NEDD4: variants seen among roughly 807,000 people sequenced by gnomAD.
The protein encoded by NEDD4 is NEDD4 E3 ubiquitin protein ligase.
In NEDD4, 99 loss-of-function variants were observed where a neutral mutation model predicts 144.9. The ratio of observed to expected loss-of-function variants is 0.68; its 90% CI spans 0.58 to 0.81. NEDD4 has a LOEUF of 0.81. NEDD4 is among the 30% of genes least tolerant of loss of function. The probability of loss-of-function intolerance (pLI) is 0.00; values close to 1 mark genes in which losing one functional copy is unlikely to be tolerated. For synonymous variants in NEDD4, 318 were observed against 350.6 expected (o/e 0.91, Z 1.04); for missense variants, 985 against 1,065.9 (o/e 0.92, Z 1.06).
At chr15:55,881,083 G>A (rs1001008338) in intron 5 of NEDD4, among the ~76,000 whole-genome samples, 1 of 151,680 alleles carries the variant, frequency 6.6e-6, no homozygotes, top group Non-Finnish European at 1.5e-5. Context: ...TTTTTGAAAT[G>A]GGTAAGTTAG....
At chr15:55,858,847 T>C (rs923936002) in intron 11 of NEDD4, among the ~76,000 whole-genome samples, 3 of 152,194 alleles carry the variant, frequency 2.0e-5, no homozygotes, top group African/African-American at 4.8e-5. Flanking sequence ...CTGTGGGCCA[T>C]ATGGTTGCTG....
intron 1 of NEDD4, among the ~76,000 whole-genome samples, chr15:55,974,738 C>T (rs1158640703): frequency 9.1e-6 from 1 of 109,340 alleles, no homozygotes; most frequent in African/African-American, 3.7e-5. Context: ...AAAAAAAAAA[C>T]CCTCAAAAAC....
At chr15:55,876,253 T>C (rs1184117730) in intron 5 of NEDD4, among the ~76,000 whole-genome samples, 2 of 152,138 alleles carry the variant, frequency 1.3e-5, no homozygotes, top group African/African-American at 2.4e-5. Flanking sequence ...GAATATGCTA[T>C]AGGAAGTTCT....
chr15:55,918,993 C>A (rs1220565246), intron 5 of NEDD4, among the ~76,000 whole-genome samples: 2 of 152,204 alleles, frequency 1.3e-5, no homozygotes, highest in East Asian at 1.9e-4. Flanking sequence ...TGGCCTAAAA[C>A]TTCCAGGAAA....
At chr15:55,947,980 G>C (rs1161116635) in intron 4 of NEDD4, among the ~76,000 whole-genome samples, 1 of 152,068 alleles carries the variant, frequency 6.6e-6, no homozygotes, top group Non-Finnish European at 1.5e-5. Context: ...AGAAATAAAG[G>C]GTATTCAATT....
chr15:55,839,999 A>AATATATATATAT (rs1176994871), intron 21 of NEDD4, among the ~76,000 whole-genome samples: 16 of 26,104 alleles, frequency 6.1e-4, no homozygotes, highest in Non-Finnish European at 6.8e-4. Context: ...AAAAAAAAAA[A>AATATATATATAT]ATATATATAT....
chr15:55,902,928 G>C (rs918269195), intron 5 of NEDD4, among the ~76,000 whole-genome samples: 8 of 152,124 alleles, frequency 5.3e-5, no homozygotes, highest in African/African-American at 1.9e-4. Context: ...TTGAACCCAG[G>C]AAGTGGAGGT....
chr15:55,909,607 G>A (rs1181424075), intron 5 of NEDD4, among the ~76,000 whole-genome samples: 1 of 151,994 alleles, frequency 6.6e-6, no homozygotes, highest in Non-Finnish European at 1.5e-5. Context: ...ACATCGCCTG[G>A]CCTCACCCAG....
At chr15:55,932,762 T>G (rs1225039133) in intron 4 of NEDD4, among the ~76,000 whole-genome samples, 1 of 151,974 alleles carries the variant, frequency 6.6e-6, no homozygotes, top group Non-Finnish European at 1.5e-5. Context: ...ATTTTTACAA[T>G]CTACCCATCT....
intron 1 of NEDD4, among the ~76,000 whole-genome samples, chr15:55,975,852 G>A (rs539250306): frequency 6.6e-6 from 1 of 152,226 alleles, no homozygotes; most frequent in African/African-American, 2.4e-5. Flanking sequence ...ACAAAATGGA[G>A]TCAAATTAAT....
At chr15:55,920,773 T>C (rs2036553894) in intron 5 of NEDD4, among the ~76,000 whole-genome samples, 3 of 152,324 alleles carry the variant, frequency 2.0e-5, no homozygotes, top group Non-Finnish European at 2.9e-5. Context: ...AGGTCATTTG[T>C]TGCTATACAA....
chr15:55,989,043 C>G (rs2037944970), intron 1 of NEDD4, among the ~76,000 whole-genome samples: 1 of 152,124 alleles, frequency 6.6e-6, no homozygotes, highest in Non-Finnish European at 1.5e-5. Flanking sequence ...CGAGACCAGC[C>G]TGGCCAACAT....
intron 2 of NEDD4, among the ~76,000 whole-genome samples, chr15:55,956,150 T>C (rs1316925052): frequency 6.6e-6 from 1 of 152,126 alleles, no homozygotes; most frequent in Admixed American, 6.6e-5. Flanking sequence ...TTTTTGTGGG[T>C]ACATAGTAGG....
At chr15:55,891,500 G>A (rs1444713201) in intron 5 of NEDD4, among the ~76,000 whole-genome samples, 1 of 152,164 alleles carries the variant, frequency 6.6e-6, no homozygotes, top group Non-Finnish European at 1.5e-5. Context: ...CAAATTCTGA[G>A]TATCAAGCAT....
chr15:55,871,170 T>C (rs2034781824), intron 7 of NEDD4, among the ~76,000 whole-genome samples: 1 of 152,190 alleles, frequency 6.6e-6, no homozygotes, highest in Non-Finnish European at 1.5e-5. Context: ...TGTGTCTCCA[T>C]ACTGAAGGAG....
At chr15:55,917,551 A>C (rs1183994993) in intron 5 of NEDD4, among the ~76,000 whole-genome samples, 3 of 152,162 alleles carry the variant, frequency 2.0e-5, no homozygotes, top group Non-Finnish European at 4.4e-5. Flanking sequence ...TTAGCACTAC[A>C]TCAAATAGAT....
rs185535833 is a variant in NEDD4, at chr15:55,833,101, C to G, written c.2434G>C (p.Val812Leu). The change falls in exon 27 of 29, where the codon GTT becomes CTT. Residue 812 changes from valine to leucine, a missense_variant. By Grantham distance (32) the Val-to-Leu change is conservative (BLOSUM62 1). Transcript: ENST00000435532. The part of the protein sequence containing the change: ...HQVIQWFWKA[V>L]LMMDSEKRIR... ...CTTTTTTCTGAATCCATCATTAAAA[C>G]AGCCTGAATAAGATAAAAACATCAT... 1.9e-6 allele frequency: 3 copies of G among 1,605,162 alleles called. No homozygotes were observed. In the Admixed American group the frequency reaches 5.0e-5, roughly 27 times the overall value.
At chr15:55,857,378 G>C (rs760770287) in intron 11 of NEDD4, among the ~76,000 whole-genome samples, 3 of 151,998 alleles carry the variant, frequency 2.0e-5, no homozygotes, top group Non-Finnish European at 4.4e-5. Context: ...GCCCAGGCTG[G>C]AGTATGGTGG....
chr15:55,843,072 T>C (rs1211130949), intron 18 of NEDD4, among the ~76,000 whole-genome samples: 2 of 152,198 alleles, frequency 1.3e-5, no homozygotes, highest in South Asian at 4.1e-4. Context: ...ATGGTTTCTA[T>C]GCACAAGCTC....
Sources: allele counts gnomAD v4.1 joint callset (sites outside exome capture counted in the v4.1 genomes callset), GRCh38; gene constraint gnomAD v4.1.1; transcripts MANE v1.5; gene names NCBI Gene and HGNC (gene_info 2026-07-23, HGNC 2026-07-21).